The following WWOX variants were observed in gnomAD, a reference collection of about 807,000 sequenced individuals.
WWOX encodes WW domain-containing oxidoreductase.
In WWOX, 69 loss-of-function variants were observed where a neutral mutation model predicts 46.2. The ratio of observed to expected loss-of-function variants is 1.49; its 90% CI spans 1.23 to 1.82. WWOX has a LOEUF of 1.82. Ranked by LOEUF, WWOX falls within the 40% of genes most tolerant of loss-of-function variation. WWOX has a pLI of 0.00. For synonymous variants in WWOX, 359 were observed against 202.6 expected (o/e 1.77, Z -6.56); for missense variants, 919 against 542.6 (o/e 1.69, Z -6.89).
rs561344810 is a variant in WWOX, at chr16:78,595,563, G to C, written c.1056+162811G>C. Among the ~76,000 whole-genome samples, 87 of 152,296 alleles carry C rather than the reference G, an allele frequency of 5.7e-4. 1 individual carries two copies. The highest frequency in any genetic ancestry group is 2.0e-3 in the African/African-American group (84 of 41,556). The stretch of plus-strand genomic sequence containing the variant: ...CCTCAATCTCTCCCTCCCCACCACA[G>C]TTAGCTATCAGAGATATACGGTGTC... On this transcript the variant is annotated intron_variant, in intron 8 of 8. Coordinates refer to ENST00000566780, the MANE Select transcript of WWOX (RefSeq NM_016373.4).
At chr16:78,156,503 A>G (rs561728266) in intron 4 of WWOX, among the ~76,000 whole-genome samples, 63 of 152,344 alleles carry the variant, frequency 4.1e-4, no homozygotes, top group African/African-American at 1.2e-3. Flanking sequence ...GCTGCAGCCT[A>G]TTAGCAGTCT....
At chr16:78,460,214 G>A (rs1355597110) in intron 8 of WWOX, among the ~76,000 whole-genome samples, 2 of 151,542 alleles carry the variant, frequency 1.3e-5, no homozygotes, top group East Asian at 3.9e-4. Context: ...TGCAACCTGT[G>A]CCTCCCGGAT....
chr16:78,377,817 A>G (rs1173775095), intron 5 of WWOX, among the ~76,000 whole-genome samples: 2 of 152,214 alleles, frequency 1.3e-5, no homozygotes, highest in African/African-American at 4.8e-5. Context: ...ACTAAATTAA[A>G]TAAGCTGTTA....
At chr16:79,096,014 T>C (rs1351622515) in intron 8 of WWOX, among the ~76,000 whole-genome samples, 1 of 131,494 alleles carries the variant, frequency 7.6e-6, no homozygotes, top group African/African-American at 3.3e-5. Flanking sequence ...CACACCCGGA[T>C]AATTTTTTTT....
intron 8 of WWOX, among the ~76,000 whole-genome samples, chr16:79,003,784 C>T (rs751827346): frequency 5.3e-5 from 8 of 152,142 alleles, no homozygotes; most frequent in Non-Finnish European, 1.5e-5. Flanking sequence ...GACTTAGTCT[C>T]AGAAGGCAGA....
intron 5 of WWOX, among the ~76,000 whole-genome samples, chr16:78,170,906 G>C (rs1194767897): frequency 1.3e-5 from 2 of 152,220 alleles, no homozygotes; most frequent in African/African-American, 4.8e-5. Flanking sequence ...GAGAGCGCAT[G>C]CTCAGTTGAT....
intron 4 of WWOX, among the ~76,000 whole-genome samples, chr16:78,140,714 A>T (rs1162973562): frequency 1.3e-5 from 2 of 152,158 alleles, no homozygotes; most frequent in East Asian, 3.9e-4. Context: ...GTGAGAGCCC[A>T]CCTTAATGCC....
intron 8 of WWOX, among the ~76,000 whole-genome samples, chr16:78,594,247 A>G (rs1030304650): frequency 6.6e-6 from 1 of 151,812 alleles, no homozygotes; most frequent in Non-Finnish European, 1.5e-5. Context: ...GTGTGCATCA[A>G]TTCATATGGT....
intron 8 of WWOX, among the ~76,000 whole-genome samples, chr16:79,040,038 A>G (rs927756153): frequency 7.9e-5 from 12 of 152,162 alleles, no homozygotes; most frequent in Non-Finnish European, 1.0e-4. Flanking sequence ...GGCAATTAGC[A>G]TCACCCTGCT....
At chr16:78,570,250 A>G (rs1023773508) in intron 8 of WWOX, among the ~76,000 whole-genome samples, 1 of 152,196 alleles carries the variant, frequency 6.6e-6, no homozygotes, top group Non-Finnish European at 1.5e-5. Context: ...TGTTTTATTA[A>G]TATAAAAACT....
At position 78,597,297 on chromosome 16, in the gene WWOX, A is replaced by C. The variant is rs2045514101; in HGVS notation, c.1056+164545A>C. Among the ~76,000 whole-genome samples, 5 of 152,032 alleles carry C rather than the reference A, an allele frequency of 3.3e-5. No individual in the cohort carries two copies. The South Asian group carries it at 1.0e-3, about 32-fold the overall frequency. On this transcript the variant is annotated intron_variant, in intron 8 of 8. Coordinates refer to ENST00000566780, the MANE Select transcript of WWOX (RefSeq NM_016373.4). The stretch of plus-strand genomic sequence containing the variant: ...AGGAGTCAGTCAATCAATTAAACGG[A>C]TACTATTAGCACCTACTGTGTGCCG...
chr16:78,760,470 G>A (rs969921769), intron 8 of WWOX, among the ~76,000 whole-genome samples: 4 of 152,164 alleles, frequency 2.6e-5, no homozygotes, highest in Non-Finnish European at 5.9e-5. Flanking sequence ...TCACAGGTGG[G>A]ATTAGGACTT....
chr16:78,573,162 T>C (rs2044761360), intron 8 of WWOX, among the ~76,000 whole-genome samples: 1 of 152,014 alleles, frequency 6.6e-6, no homozygotes, highest in South Asian at 2.1e-4. Context: ...GCGGGGTGCC[T>C]GTAGTCCCAG....
At chr16:78,956,000 A>C (rs1471433009) in intron 8 of WWOX, among the ~76,000 whole-genome samples, 1 of 150,926 alleles carries the variant, frequency 6.6e-6, no homozygotes, top group South Asian at 2.1e-4. Context: ...ACAAAAAAAA[A>C]CACAAAAAAA....
chr16:78,206,577 C>A (rs181321604), intron 5 of WWOX, among the ~76,000 whole-genome samples: 28 of 152,186 alleles, frequency 1.8e-4, no homozygotes, highest in Admixed American at 1.6e-3. Flanking sequence ...GTGTTTCCAT[C>A]AAAAATTTAG....
At chr16:78,675,014 G>A (rs528712231) in intron 8 of WWOX, among the ~76,000 whole-genome samples, 15 of 152,216 alleles carry the variant, frequency 9.9e-5, no homozygotes, top group African/African-American at 3.4e-4. Flanking sequence ...TTAAATATTT[G>A]TGTTAATATT....
intron 8 of WWOX, among the ~76,000 whole-genome samples, chr16:78,782,665 T>A (rs576456205): frequency 1.3e-5 from 2 of 148,822 alleles, no homozygotes; most frequent in Admixed American, 6.7e-5. Flanking sequence ...CTTTTCTATA[T>A]CTTTTTTTTT....
chr16:79,033,514 G>A (rs2047806505), intron 8 of WWOX, among the ~76,000 whole-genome samples: 2 of 151,924 alleles, frequency 1.3e-5, no homozygotes, highest in Non-Finnish European at 2.9e-5. Flanking sequence ...GAAGGTACAG[G>A]GATTTTCCAG....
chr16:78,559,978 G>A (rs1009912621), intron 8 of WWOX, among the ~76,000 whole-genome samples: 1 of 152,132 alleles, frequency 6.6e-6, no homozygotes, highest in Non-Finnish European at 1.5e-5. Context: ...ACTAGCCAAG[G>A]TCTCTGGAGT....
Sources: gnomAD v4.1 joint callset for allele counts (sites outside exome capture counted in the v4.1 genomes callset) on GRCh38, gnomAD v4.1.1 for gene constraint, MANE v1.5 for transcripts, NCBI Gene and HGNC (gene_info 2026-07-23, HGNC 2026-07-21) for gene names.